The following PTPRT variants were observed in gnomAD, a reference collection of about 807,000 sequenced individuals.
PTPRT encodes receptor-type tyrosine-protein phosphatase T.
A neutral mutation model predicts 176.8 loss-of-function variants in PTPRT; 56 were observed. The observed-to-expected ratio is 0.32, with a 90% confidence interval of 0.26 to 0.40. The LOEUF is 0.40. Ranked by LOEUF, PTPRT falls within the 10% of genes least tolerant of loss-of-function variation. PTPRT has a pLI of 1.00. For synonymous variants in PTPRT, 783 were observed against 739.0 expected (o/e 1.06, Z -0.96); for missense variants, 1,540 against 1,908.2 (o/e 0.81, Z 3.60).
chr20:42,258,759 A>G (rs920187395), intron 13 of PTPRT, among the ~76,000 whole-genome samples: 2 of 152,214 alleles, frequency 1.3e-5, no homozygotes, highest in Non-Finnish European at 2.9e-5. Flanking sequence ...AATTGCCTCA[A>G]TTCATCATAT....
chr20:42,351,113 CT>C (rs11476309), intron 10 of PTPRT, among the ~76,000 whole-genome samples: 71,393 of 148,072 alleles, frequency 0.48, 17,785 homozygotes, highest in East Asian at 0.86. Context: ...TCCCCTCTAC[CT>C]TTTTTTTTTT....
rs1209824746 is a variant in PTPRT at position 42,469,275 on chromosome 20, C to T, written c.1450+2991G>A. Reference sequence around the variant, plus strand: ...CTGGAGTGCAGTGGCGCGATCTCGGCTCACTGCAACCTCCGCCTCCCAGGT... The same window carrying T: ...CTGGAGTGCAGTGGCGCGATCTCGGTTCACTGCAACCTCCGCCTCCCAGGT... On this transcript the variant is annotated intron_variant, in intron 8 of 30. Transcript: ENST00000373187. Among the ~76,000 whole-genome samples, 4 of 152,202 alleles carry T rather than the reference C, an allele frequency of 2.6e-5. No homozygotes were observed. The East Asian group carries it at 7.7e-4, about 29-fold the overall frequency.
chr20:42,334,305 T>C (rs1473977067), intron 11 of PTPRT, among the ~76,000 whole-genome samples: 2 of 152,090 alleles, frequency 1.3e-5, no homozygotes, highest in African/African-American at 2.4e-5. Context: ...CTCCGACTTG[T>C]AATAAACAAA....
chr20:42,280,131 A>G (rs986854244), intron 13 of PTPRT, among the ~76,000 whole-genome samples: 4 of 152,154 alleles, frequency 2.6e-5, no homozygotes, highest in African/African-American at 9.7e-5. Context: ...TCAGGAAGGG[A>G]TGGGATAAAC....
intron 22 of PTPRT, among the ~76,000 whole-genome samples, chr20:42,113,036 A>G (rs184901724): frequency 1.3e-5 from 2 of 152,272 alleles, no homozygotes; most frequent in Admixed American, 1.3e-4. Context: ...AAGGGCAGAC[A>G]GCACTCCCTG....
At chr20:42,296,745 A>G (rs1323530107) in intron 12 of PTPRT, among the ~76,000 whole-genome samples, 1 of 152,144 alleles carries the variant, frequency 6.6e-6, no homozygotes, top group Non-Finnish European at 1.5e-5. Flanking sequence ...CACATCTAAA[A>G]CATTGTTATT....
intron 16 of PTPRT, among the ~76,000 whole-genome samples, chr20:42,170,125 C>T (rs1372661302): frequency 1.3e-5 from 2 of 152,110 alleles, no homozygotes; most frequent in African/African-American, 4.8e-5. Flanking sequence ...AATCTTGCAT[C>T]CATGAGGGGA....
At chr20:42,868,676 G>C (rs913252045) in intron 2 of PTPRT, among the ~76,000 whole-genome samples, 1 of 152,200 alleles carries the variant, frequency 6.6e-6, no homozygotes, top group African/African-American at 2.4e-5. Flanking sequence ...TAAGATGCCT[G>C]ATAGGGTTAT....
At chr20:42,506,721 T>C (rs547335262) in intron 7 of PTPRT, among the ~76,000 whole-genome samples, 1 of 152,266 alleles carries the variant, frequency 6.6e-6, no homozygotes, top group South Asian at 2.1e-4. Context: ...CCATTATTTA[T>C]GTGAAAAAAA....
At chr20:42,651,507 T>A (rs2075030121) in intron 7 of PTPRT, among the ~76,000 whole-genome samples, 1 of 152,186 alleles carries the variant, frequency 6.6e-6, no homozygotes, top group South Asian at 2.1e-4. Flanking sequence ...TAAGCAACAG[T>A]CATTAAGGGA....
intron 7 of PTPRT, among the ~76,000 whole-genome samples, chr20:42,573,289 G>T (rs938037967): frequency 1.3e-5 from 2 of 152,100 alleles, no homozygotes; most frequent in Non-Finnish European, 2.9e-5. Context: ...CAAGCACCCT[G>T]GCCACTAGGG....
intron 1 of PTPRT, among the ~76,000 whole-genome samples, chr20:43,016,675 G>C (rs1372736812): frequency 2.0e-5 from 3 of 150,218 alleles, no homozygotes; most frequent in African/African-American, 7.4e-5. Flanking sequence ...GAGTAGCTGG[G>C]ACTATAGGTG....
At chr20:43,130,110 G>T (rs997093661) in intron 1 of PTPRT, among the ~76,000 whole-genome samples, 1 of 152,208 alleles carries the variant, frequency 6.6e-6, no homozygotes, top group Non-Finnish European at 1.5e-5. Context: ...TATATATTTG[G>T]ATTCCCATTG....
intron 7 of PTPRT, among the ~76,000 whole-genome samples, chr20:42,500,283 G>A (rs115046851): frequency 0.012 from 1,837 of 152,010 alleles, 34 homozygotes; most frequent in African/African-American, 0.042. Context: ...CAAGAAAGAT[G>A]TTACCAGAAT....
At chr20:42,625,532 TC>T (rs2145871801) in intron 7 of PTPRT, among the ~76,000 whole-genome samples, 1 of 151,966 alleles carries the variant, frequency 6.6e-6, no homozygotes, top group East Asian at 1.9e-4. Flanking sequence ...GTCTTCCCTC[TC>T]CCATCCTCTG....
intron 7 of PTPRT, among the ~76,000 whole-genome samples, chr20:42,559,094 T>G (rs1284581944): frequency 2.6e-5 from 4 of 152,204 alleles, no homozygotes; most frequent in Non-Finnish European, 5.9e-5. Context: ...TCCTTAGTGC[T>G]TATTATGAAC....
intron 2 of PTPRT, among the ~76,000 whole-genome samples, chr20:42,883,061 T>C (rs549367065): frequency 6.6e-6 from 1 of 152,260 alleles, no homozygotes; most frequent in South Asian, 2.1e-4. Flanking sequence ...ACTCAGAGCT[T>C]TGGAGACCAC....
chr20:43,070,288 C>T (rs368851213), intron 1 of PTPRT, among the ~76,000 whole-genome samples: 121 of 152,230 alleles, frequency 7.9e-4, no homozygotes, highest in Middle Eastern at 3.4e-3. Flanking sequence ...CCATCTCACA[C>T]CAATTAGAAT....
chr20:42,531,937 G>A (rs2072391729), intron 7 of PTPRT, among the ~76,000 whole-genome samples: 1 of 152,206 alleles, frequency 6.6e-6, no homozygotes, highest in Non-Finnish European at 1.5e-5. Flanking sequence ...TTGTCTGTCT[G>A]CTGGAGCTGG....
Sources: allele counts gnomAD v4.1 joint callset (sites outside exome capture counted in the v4.1 genomes callset), GRCh38; gene constraint gnomAD v4.1.1; transcripts MANE v1.5; gene names NCBI Gene and HGNC (gene_info 2026-07-23, HGNC 2026-07-21).